Variants in LONRF3 observed in about 807,000 individuals in gnomAD.
The protein encoded by LONRF3 is LON peptidase N-terminal domain and ring finger 3, also known as LON peptidase N-terminal domain and RING finger protein 3.
Under a neutral mutation model 51.7 loss-of-function variants are expected in LONRF3, and 19 were observed. The ratio of observed to expected loss-of-function variants is 0.37; its 90% confidence interval spans 0.26 to 0.54. The LOEUF (loss-of-function observed/expected upper bound fraction) is 0.54, where lower values mean the gene tolerates loss of function less well. Among genes scored for constraint, LONRF3 ranks in the 20% least tolerant of loss-of-function variants. LONRF3 has a pLI of 0.86. For synonymous variants in LONRF3, 265 were observed against 257.8 expected (o/e 1.03, Z -0.27); for missense variants, 521 against 623.9 (o/e 0.84, Z 1.76).
chrX:119,011,776 G>A (rs200870271), intron 7 of LONRF3, 39 bp from the exon 8 acceptor site: 25 of 1,190,210 alleles, frequency 2.1e-5, no homozygotes, highest in East Asian at 1.5e-4. Context: ...TGTTCTGTCC[G>A]ATTGCTTTGA....
chrX:119,002,807 T>A (rs917888173), intron 5 of LONRF3, among the ~76,000 whole-genome samples: 3 of 111,235 alleles, frequency 2.7e-5, no homozygotes, highest in East Asian at 2.8e-4. Context: ...TTTTATTTTT[T>A]TTTTATTTTG....
At position 118,977,246 on chromosome X, in the gene LONRF3, A is replaced by G. The variant is rs915048630; in HGVS notation, c.818-1099A>G. ...CTTGGGGAAGAGCAGGGCAATATGAATGAGGCAGGTGGAGGTCACTTAACT... is the reference window on the plus strand; with the variant it reads ...CTTGGGGAAGAGCAGGGCAATATGAGTGAGGCAGGTGGAGGTCACTTAACT... On this transcript the variant is annotated intron_variant, in intron 1 of 10. Transcript: ENST00000371628. 5.4e-4 allele frequency among the ~76,000 whole-genome samples: 60 copies of G among 110,976 alleles called. 1 individual carries two copies. Among genetic ancestry groups the G allele is most frequent in the African/African-American group, 1.9e-3 (57 of 30,491 alleles).
At chrX:119,014,428 G>T (rs900069543) in intron 10 of LONRF3, 72 bp downstream of exon 10, 49 of 958,414 alleles carry the variant, frequency 5.1e-5, no homozygotes, top group Non-Finnish European at 6.6e-5. Flanking sequence ...TGATTAGATG[G>T]GTATGTGGCT....
intron 6 of LONRF3, among the ~76,000 whole-genome samples, chrX:119,007,317 A>G (rs746723880): frequency 1.8e-5 from 2 of 111,547 alleles, no homozygotes; most frequent in African/African-American, 6.5e-5. Flanking sequence ...AAGGCCCCAG[A>G]AGAACCTCAC....
At chrX:118,997,584 A>G (rs1340480999) in intron 5 of LONRF3, among the ~76,000 whole-genome samples, 1 of 112,608 alleles carries the variant, frequency 8.9e-6, no homozygotes, top group Admixed American at 9.3e-5. Context: ...CGAGAACCGA[A>G]AAGCAAATGC....
chrX:119,007,513 T>C (rs947995807), intron 6 of LONRF3, among the ~76,000 whole-genome samples: 11 of 112,394 alleles, frequency 9.8e-5, no homozygotes, highest in Admixed American at 9.4e-4. Flanking sequence ...TGAGAATCTA[T>C]CTTGTTTTCC....
intron 2 of LONRF3, 142 bp from the exon 3 acceptor site, chrX:118,982,679 T>C: frequency 1.3e-6 from 1 of 775,549 alleles, no homozygotes; most frequent in Admixed American, 2.9e-5. Context: ...ATTAGAACAG[T>C]TGCCCGCATT....
chrX:119,011,797 A>G lies in LONRF3; in HGVS notation c.1653-18A>G. The G allele has an allele frequency of 8.3e-7, 1 of 1,207,128 alleles. No homozygotes were observed. The highest frequency in any genetic ancestry group is 1.1e-6 in the Non-Finnish European group (1 of 892,191). On this transcript the variant is annotated intron_variant, in intron 7 of 10. Transcript: ENST00000371628. ...GTCCGATTGCTTTGAGATCCCTGTCATTTTCTCTTTCTGACAGCCTTAATA... is the reference window on the plus strand; with the variant it reads ...GTCCGATTGCTTTGAGATCCCTGTCGTTTTCTCTTTCTGACAGCCTTAATA...
chrX:118,999,087 G>T (rs1000374926), intron 5 of LONRF3, among the ~76,000 whole-genome samples: 1 of 112,586 alleles, frequency 8.9e-6, no homozygotes, highest in African/African-American at 3.2e-5. Context: ...CTGAATGATC[G>T]TTGTTGGATG....
chrX:118,982,642 T>C (rs1361767912), intron 2 of LONRF3, among the ~76,000 whole-genome samples, 179 bp from the exon 3 acceptor site: 1 of 111,952 alleles, frequency 8.9e-6, no homozygotes, highest in Non-Finnish European at 1.9e-5. Context: ...CGTTTTTGGG[T>C]TTCAGTTTTG....
At chrX:118,985,918 C>T (rs1334746245) in intron 3 of LONRF3, among the ~76,000 whole-genome samples, 38 of 111,310 alleles carry the variant, frequency 3.4e-4, no homozygotes, top group African/African-American at 1.1e-3. Context: ...TAACTATGTA[C>T]CCTCAGCACG....
At chrX:119,016,350 C>CT (rs10640705) in intron 10 of LONRF3, among the ~76,000 whole-genome samples, 33,497 of 88,345 alleles carry the variant, frequency 0.38, 6,346 homozygotes, top group African/African-American at 0.58. Context: ...TTCTTTCTTT[C>CT]TTTTTTTTTT....
Position 119,009,191 on chromosome X carries a change from A to G in LONRF3, c.1596A>G (p.Pro532=), listed in dbSNP as rs757378777. Residue 532 remains proline (P), a synonymous_variant, in exon 7 of 11, where the codon CCA becomes CCG. Coordinates refer to ENST00000371628, the MANE Select transcript of LONRF3 (RefSeq NM_001031855.3). ...AGGAGCTCATAGCTAAATTCCTTCCAGAAGAACTGAAGGAACGAAGGAAGC... is the reference window on the plus strand; with the variant it reads ...AGGAGCTCATAGCTAAATTCCTTCCGGAAGAACTGAAGGAACGAAGGAAGC... The part of the protein sequence containing the change: ...IMEELIAKFL[P]EELKERRKLY... The G allele has an allele frequency of 4.5e-5, 54 of 1,210,169 alleles. No individual in the cohort carries two copies. Among genetic ancestry groups the G allele is most frequent in the Non-Finnish European group, 5.8e-5 (52 of 894,030 alleles).
chrX:119,015,113 G>C (rs1925353134), intron 10 of LONRF3, among the ~76,000 whole-genome samples: 1 of 111,537 alleles, frequency 9.0e-6, no homozygotes, highest in South Asian at 3.8e-4. Context: ...ATAAATCAGG[G>C]AATACTGTCT....
rs1569298444 is a variant in LONRF3 at position 119,011,977 on chromosome X, A to G, written c.1811+4A>G. 4.1e-6 allele frequency: 5 copies of G among 1,210,993 alleles called. No homozygotes were observed. The highest frequency in any genetic ancestry group is 4.5e-6 in the Non-Finnish European group (4 of 894,850). ...GCCTTGGAGATCCTGTCAAAGGGTA[A>G]GTGAGGAGCCATGCGAGCAAAGGGA... On this transcript the variant is annotated splice_donor_region_variant and intron_variant, in intron 8 of 10. Coordinates refer to ENST00000371628, the MANE Select transcript of LONRF3 (RefSeq NM_001031855.3).
chrX:118,991,385 C>T (rs1476410769), intron 5 of LONRF3, among the ~76,000 whole-genome samples: 1 of 75,361 alleles, frequency 1.3e-5, no homozygotes, highest in Non-Finnish European at 2.4e-5. Flanking sequence ...CTACTGTCAC[C>T]ACCACAGACT....
chrX:118,996,882 A>G (rs1923906626), intron 5 of LONRF3, among the ~76,000 whole-genome samples: 1 of 105,283 alleles, frequency 9.5e-6, no homozygotes, highest in East Asian at 3.0e-4. Flanking sequence ...AGATCACACC[A>G]CTGCGCTCCA....
chrX:118,983,963 G>A (rs934376675), intron 3 of LONRF3, among the ~76,000 whole-genome samples: 1 of 112,156 alleles, frequency 8.9e-6, no homozygotes, highest in South Asian at 3.7e-4. Flanking sequence ...AGAGGAGCAC[G>A]GTTCGGGGAG....
At chrX:119,000,902 C>A (rs774286199) in intron 5 of LONRF3, among the ~76,000 whole-genome samples, 1 of 106,343 alleles carries the variant, frequency 9.4e-6, no homozygotes, top group Non-Finnish European at 1.9e-5. Flanking sequence ...TCTCCCCTCC[C>A]TCCTCTCCTC....
Sources: allele counts gnomAD v4.1 joint callset (sites outside exome capture counted in the v4.1 genomes callset), GRCh38; gene constraint gnomAD v4.1.1; transcripts MANE v1.5; gene names NCBI Gene and HGNC (gene_info 2026-07-23, HGNC 2026-07-21).